The following UQCC1 variants were observed in gnomAD, a reference collection of about 807,000 sequenced individuals.
UQCC1 encodes ubiquinol-cytochrome c reductase complex assembly factor 1.
Under a neutral mutation model 48.0 loss-of-function variants are expected in UQCC1, and 38 were observed. The observed-to-expected ratio is 0.79, with a 90% CI of 0.61 to 1.04. The LOEUF is 1.04. Ranked by LOEUF, UQCC1 falls within the 50% of genes least tolerant of loss-of-function variation. UQCC1 has a pLI of 0.00. For missense variants in UQCC1, 368 were observed against 381.8 expected, an observed-to-expected ratio of 0.96 and a Z score of 0.30; for synonymous variants, 111 against 129.2, an observed-to-expected ratio of 0.86 and a Z score of 0.95.
chr20:35,310,299 A>C (rs1179628966), intron 8 of UQCC1, among the ~76,000 whole-genome samples: 2 of 152,174 alleles, frequency 1.3e-5, no homozygotes, highest in African/African-American at 4.8e-5. Context: ...GTAAAAACAC[A>C]AGCGATCCAG....
chr20:35,323,068 T>C (rs56892901), intron 7 of UQCC1, among the ~76,000 whole-genome samples: 59,939 of 151,662 alleles, frequency 0.4, 12,997 homozygotes, highest in African/African-American at 0.58. Context: ...AGCATGGTCT[T>C]GACCTCCTGA....
intron 1 of UQCC1, among the ~76,000 whole-genome samples, chr20:35,397,211 G>GAA (rs1192775264): frequency 8.1e-6 from 1 of 122,842 alleles, no homozygotes; most frequent in African/African-American, 3.1e-5. Context: ...AAAAAAAAAA[G>GAA]AAAAAAAAAA....
chr20:35,383,425 G>A (rs2061900204), intron 3 of UQCC1, among the ~76,000 whole-genome samples: 1 of 152,144 alleles, frequency 6.6e-6, no homozygotes, highest in African/African-American at 2.4e-5. Context: ...ATTCAGGCTG[G>A]CATGGTGGCT....
intron 2 of UQCC1, among the ~76,000 whole-genome samples, chr20:35,388,881 A>G (rs994806510): frequency 1.3e-5 from 2 of 152,106 alleles, no homozygotes; most frequent in African/African-American, 4.8e-5. Context: ...CCTGGCCAAC[A>G]TGGTGAAACC....
rs2062372989 is a variant in UQCC1 at position 35,411,949 on chromosome 20, C to T, written c.15G>A (p.Val5=). 1 of 1,614,132 alleles carries T rather than the reference C, an allele frequency of 6.2e-7. No homozygotes were observed. Among genetic ancestry groups the T allele is most frequent in the Non-Finnish European group, 8.5e-7 (1 of 1,180,056 alleles). The change falls in exon 1 of 10, where the codon GTG becomes GTA. Residue 5 remains valine (V), a synonymous_variant. Coordinates refer to ENST00000374385, the MANE Select transcript of UQCC1 (RefSeq NM_018244.5). ...TTACTCCTTCACTCACAAGGACTCG[C>T]ACCAGCAACGCCATGTTCCTCAATA... MALL[V]RVLRNQTSIS... is the part of the protein sequence containing the mutation.
chr20:35,363,695 G>T (rs74893765), intron 6 of UQCC1, among the ~76,000 whole-genome samples: 1,527 of 152,226 alleles, frequency 0.01, 24 homozygotes, highest in African/African-American at 0.033. Flanking sequence ...TTAGTAGTTT[G>T]TTTGGTTTTG....
At chr20:35,338,156 A>C (rs1243671533) in intron 7 of UQCC1, among the ~76,000 whole-genome samples, 2 of 152,162 alleles carry the variant, frequency 1.3e-5, no homozygotes, top group Non-Finnish European at 2.9e-5. Flanking sequence ...GAACATTGTC[A>C]GCATTCTCAT....
intron 1 of UQCC1, among the ~76,000 whole-genome samples, chr20:35,400,143 C>G (rs1423907838): frequency 1.3e-5 from 2 of 151,840 alleles, no homozygotes; most frequent in East Asian, 2.0e-4. Flanking sequence ...CCAGGCTGGT[C>G]TCAAACTCCT....
chr20:35,404,886 C>A (rs559666029), intron 1 of UQCC1, among the ~76,000 whole-genome samples: 1 of 152,214 alleles, frequency 6.6e-6, no homozygotes, highest in South Asian at 2.1e-4. Flanking sequence ...AAACAACAGG[C>A]TAACCAAAAA....
At chr20:35,343,198 AAC>A (rs1248451633) in intron 7 of UQCC1, among the ~76,000 whole-genome samples, 1 of 152,230 alleles carries the variant, frequency 6.6e-6, no homozygotes, top group Non-Finnish European at 1.5e-5. Context: ...GATGCCAAAT[AAC>A]ACAGAGATAG....
chr20:35,402,674 T>A (rs1161648648), intron 1 of UQCC1, among the ~76,000 whole-genome samples: 1 of 151,832 alleles, frequency 6.6e-6, no homozygotes, highest in African/African-American at 2.4e-5. Context: ...ATGCTGGTAA[T>A]CCCAGCTACT....
intron 2 of UQCC1, among the ~76,000 whole-genome samples, chr20:35,387,509 G>A (rs914045233): frequency 2.6e-5 from 4 of 151,038 alleles, no homozygotes; most frequent in African/African-American, 9.8e-5. Context: ...ATAAAAACTA[G>A]GTGGATTTTT....
intron 2 of UQCC1, chr20:35,392,333 T>C (rs912349983): frequency 1.6e-6 from 2 of 1,273,396 alleles, no homozygotes; most frequent in African/African-American, 1.5e-5. Context: ...AAAGGTCCAG[T>C]TGATTTACAA....
intron 2 of UQCC1, among the ~76,000 whole-genome samples, chr20:35,391,130 G>A (rs1051353564): frequency 3.9e-5 from 6 of 151,966 alleles, no homozygotes; most frequent in African/African-American, 1.2e-4. Context: ...GGAGGCAGAG[G>A]TTGCAGTGAG....
chr20:35,320,030 A>G (rs762164035), intron 7 of UQCC1, among the ~76,000 whole-genome samples: 12 of 151,796 alleles, frequency 7.9e-5, no homozygotes, highest in Non-Finnish European at 1.6e-4. Flanking sequence ...ATCTTACTTC[A>G]CCCTGCAGTC....
chr20:35,373,982 G>A (rs960536621), intron 5 of UQCC1, among the ~76,000 whole-genome samples: 5 of 152,086 alleles, frequency 3.3e-5, no homozygotes, highest in Admixed American at 6.6e-5. Context: ...AGGCCAGCCC[G>A]GGCAACACAG....
chr20:35,387,965 A>G (rs1363193835), intron 2 of UQCC1, among the ~76,000 whole-genome samples: 2 of 151,858 alleles, frequency 1.3e-5, no homozygotes, highest in African/African-American at 4.8e-5. Flanking sequence ...TCTCACAACA[A>G]TCTTATAAAG....
intron 7 of UQCC1, among the ~76,000 whole-genome samples, chr20:35,316,235 C>T (rs542052893): frequency 4.6e-5 from 7 of 152,312 alleles, no homozygotes; most frequent in African/African-American, 1.2e-4. Context: ...ACAACTCTGA[C>T]GGTGACCATG....
chr20:35,394,333 C>T (rs575285013), intron 1 of UQCC1, 137 bp from the exon 2 acceptor site: 12 of 729,896 alleles, frequency 1.6e-5, no homozygotes, highest in Admixed American at 7.6e-5. Context: ...GCACAGAGCT[C>T]CTAAAACCCT....
Sources: gnomAD v4.1 joint callset for allele counts (sites outside exome capture counted in the v4.1 genomes callset) on GRCh38, gnomAD v4.1.1 for gene constraint, MANE v1.5 for transcripts, NCBI Gene and HGNC (gene_info 2026-07-23, HGNC 2026-07-21) for gene names.